SLC25A27: variants seen among roughly 807,000 people sequenced by gnomAD.
The protein encoded by SLC25A27 is solute carrier family 25 member 27, also known as mitochondrial uncoupling protein 4.
SLC25A27 carries 35 observed loss-of-function variants against 49.1 expected under a neutral mutation model. That is an observed-to-expected ratio of 0.71 (90% CI 0.54 to 0.95). SLC25A27 has a LOEUF of 0.95. Ranked by LOEUF, SLC25A27 falls within the 40% of genes least tolerant of loss-of-function variation. The pLI, the probability that SLC25A27 is intolerant of heterozygous loss-of-function variation, is 0.00. For synonymous variants in SLC25A27, 144 were observed against 136.9 expected (o/e 1.05, Z -0.36); for missense variants, 339 against 397.1 (o/e 0.85, Z 1.24).
rs922871732 is a variant in SLC25A27, at chr6:46,662,415, C to G, written c.423C>G (p.Gly141=). The G allele has an allele frequency of 1.5e-5, 24 of 1,613,440 alleles. No individual in the cohort carries two copies. In the Admixed American group the frequency reaches 3.3e-4, roughly 22 times the overall value. ...VIGGMMAGVI[G]QFLANPTDLV... is the part of the protein sequence containing the mutation. ...GAGGGATGATGGCTGGTGTTATTGG[C>G]CAGTTTTTAGCCAATCCAACTGACC... Residue 141 remains glycine, a synonymous_variant, in exon 4 of 9, where the codon GGC becomes GGG. Coordinates refer to ENST00000371347, the MANE Select transcript of SLC25A27 (RefSeq NM_004277.5).
rs1014370109 is a variant in SLC25A27 at position 46,659,147 on chromosome 6, A to G, written c.383+101A>G. The G allele has an allele frequency of 1.1e-4, 84 of 746,862 alleles. No homozygotes were observed. In the East Asian group the frequency reaches 1.4e-3, roughly 13 times the overall value. The allele number at this position is 746,862 out of a possible 1,614,324, so 46.3% of individuals were successfully genotyped here. ...ATTTGTACCCAAATTGCCTTAAGTTATGGACTTAAAATAATAATTACAATA... is the reference window on the plus strand; with the variant it reads ...ATTTGTACCCAAATTGCCTTAAGTTGTGGACTTAAAATAATAATTACAATA... On this transcript the variant is annotated intron_variant, in intron 3 of 8. Transcript: ENST00000371347.
In SLC25A27 at chr6:46,662,498, G is replaced by A. The variant is rs201563800; in HGVS notation, c.506G>A (p.Arg169Gln). Residue 169 changes from arginine (R) to glutamine (Q), a missense_variant and splice_region_variant, in exon 4 of 9, where the codon CGA becomes CAA. By Grantham distance (43) the Arg-to-Gln change is conservative. Coordinates refer to ENST00000371347, the MANE Select transcript of SLC25A27 (RefSeq NM_004277.5). The stretch of plus-strand genomic sequence containing the variant: ...AGGAAACTGGAAGGAAAACCATTGC[G>A]GTAAGTTCTCCAATTAACCAATACC... ...GKRKLEGKPL[R>Q]FRGVHHAFAK... 346 of 1,613,346 alleles carry A rather than the reference G, an allele frequency of 2.1e-4. No individual in the cohort carries two copies. The highest frequency in any genetic ancestry group is 2.8e-4 in the Non-Finnish European group (334 of 1,179,772).
chr6:46,667,565 A>G (rs758121251), intron 5 of SLC25A27, among the ~76,000 whole-genome samples: 1 of 152,188 alleles, frequency 6.6e-6, no homozygotes, highest in Non-Finnish European at 1.5e-5. Context: ...CCTCTAACAC[A>G]GCAAGCTGAC....
intron 8 of SLC25A27, 74 bp from the exon 9 acceptor site, chr6:46,676,309 T>C (rs941711338): frequency 2.2e-6 from 3 of 1,337,488 alleles, no homozygotes; most frequent in Non-Finnish European, 3.1e-6. Context: ...GTCATTCAAA[T>C]ATATGTATGC....
At chr6:46,656,118 TA>T in intron 2 of SLC25A27, 84 bp downstream of exon 2, 1 of 1,131,440 alleles carries the variant, frequency 8.8e-7, no homozygotes, top group Non-Finnish European at 1.3e-6. Context: ...AAAAACAAGT[TA>T]GTTTTTTTAT....
At chr6:46,662,304 GC>G (rs1763187441) in intron 3 of SLC25A27, 71 bp from the exon 4 acceptor site, 1 of 1,356,328 alleles carries the variant, frequency 7.4e-7, no homozygotes, top group Non-Finnish European at 1.0e-6. Flanking sequence ...CCCTGTACCA[GC>G]TCAGTATTGG....
intron 8 of SLC25A27, among the ~76,000 whole-genome samples, chr6:46,673,614 T>C (rs1040664611): frequency 2.0e-5 from 3 of 152,300 alleles, no homozygotes; most frequent in Non-Finnish European, 2.9e-5. Flanking sequence ...CATCATGTCA[T>C]GTGTAGGCCT....
Position 46,656,012 on chromosome 6 carries a change from AC to A in SLC25A27, c.279del (p.Ala94ProfsTer6). 1 of 1,610,402 alleles carries A rather than the reference AC, an allele frequency of 6.2e-7. No homozygotes were observed. Among genetic ancestry groups the A allele is most frequent in the Non-Finnish European group, 8.5e-7 (1 of 1,178,748 alleles). ...GFLKLWQGVT[P>X]AIYRHVVYSG... Reference sequence around the variant, plus strand: ...TTCTAAAGCTTTGGCAAGGAGTGACACCCGCCATTTACAGACACGTAGGTAT... The same window carrying A: ...TTCTAAAGCTTTGGCAAGGAGTGACACCGCCATTTACAGACACGTAGGTAT... On this transcript the variant is annotated frameshift_variant, in exon 2 of 9. Coordinates refer to ENST00000371347, the MANE Select transcript of SLC25A27 (RefSeq NM_004277.5). LOFTEE classifies it high-confidence loss of function.
chr6:46,673,107 T>A (rs1763617245), intron 8 of SLC25A27, among the ~76,000 whole-genome samples: 1 of 152,198 alleles, frequency 6.6e-6, no homozygotes, highest in South Asian at 2.1e-4. Flanking sequence ...AATAACATAG[T>A]CTTTGCACTG....
rs1387700912 is a variant in SLC25A27 at position 46,677,795 on chromosome 6, A to G, written c.*1341A>G. The G allele has an allele frequency of 6.6e-6, 1 of 152,546 alleles. No homozygotes were observed. The highest frequency in any genetic ancestry group is 1.5e-5 in the Non-Finnish European group (1 of 68,028). The allele number at this position is 152,546 out of a possible 1,614,324, so 9.4% of individuals were successfully genotyped here. A position where few individuals can be genotyped will look rare whatever the true frequency, so the allele number is the denominator to read the frequency against. ...CCAAACAGAATTTGTTCTAATGGAC[A>G]TGGATGATGTTGAACAGAAAAAAGT... On this transcript the variant is annotated 3_prime_UTR_variant, in exon 9 of 9. Coordinates refer to ENST00000371347, the MANE Select transcript of SLC25A27 (RefSeq NM_004277.5).
chr6:46,653,925 G>T (rs1762869574), intron 1 of SLC25A27: 6 of 910,252 alleles, frequency 6.6e-6, no homozygotes, highest in Non-Finnish European at 7.9e-6. Context: ...TATTTGAAAA[G>T]ACCCAGTTCT....
intron 4 of SLC25A27, among the ~76,000 whole-genome samples, chr6:46,663,253 A>G (rs960699574): frequency 1.3e-5 from 2 of 152,142 alleles, no homozygotes; most frequent in African/African-American, 4.8e-5. Context: ...AGCTGAGTAC[A>G]AAGGGAGCTG....
rs1283936753 is a variant in SLC25A27 at position 46,655,531 on chromosome 6, G to GTTTTTTTTTTTT, written c.107-309_107-308insTTTTTTTTTTTT. 3.0e-5 allele frequency among the ~76,000 whole-genome samples: 3 copies of GTTTTTTTTTTTT among 98,548 alleles called. 1 individual carries two copies. Among genetic ancestry groups the GTTTTTTTTTTTT allele is most frequent in the Non-Finnish European group, 4.3e-5 (2 of 46,344 alleles). 64.7% of individuals were successfully genotyped at this position (98,548 alleles called of 152,430 possible). A position where few individuals can be genotyped will look rare whatever the true frequency, so the allele number is the denominator to read the frequency against. On this transcript the variant is annotated intron_variant, in intron 1 of 8. Transcript: ENST00000371347. The stretch of plus-strand genomic sequence containing the variant: ...TGTCATTTTAATTTTTATTGTTAAT[G>GTTTTTTTTTTTT]TTTGTTTTTTTTTTTTTTTTTTTTT...
chr6:46,655,906 G>T lies in SLC25A27; in HGVS notation c.170G>T (p.Arg57Leu). Residue 57 changes from arginine to leucine, a missense_variant, in exon 2 of 9, where the codon CGG (arginine) becomes CTG (leucine). By Grantham distance (102) the Arg-to-Leu change is moderately radical. Transcript: ENST00000371347. ...ATGCAAGGAGAAGCAGCTCTTGCTC[G>T]GTTGGGAGACGGTGCAAGAGAATCT... Reference protein sequence around the residue: ...LQMQGEAALARLGDGARESAP... With the variant: ...LQMQGEAALALLGDGARESAP... 2 of 1,613,678 alleles carry T rather than the reference G, an allele frequency of 1.2e-6. No homozygotes were observed. The highest frequency in any genetic ancestry group is 2.2e-5 in the East Asian group (1 of 44,840).
At chr6:46,662,204 C>A (rs541156021) in intron 3 of SLC25A27, among the ~76,000 whole-genome samples, 172 bp from the exon 4 acceptor site, 49 of 152,224 alleles carry the variant, frequency 3.2e-4, no homozygotes, top group African/African-American at 1.2e-3. Flanking sequence ...CTTTAACCTC[C>A]CATCAGTAAA....
intron 2 of SLC25A27, 154 bp from the exon 3 acceptor site, chr6:46,658,808 G>A: frequency 3.1e-6 from 2 of 649,440 alleles, no homozygotes; most frequent in Non-Finnish European, 2.8e-6. Flanking sequence ...GAAGCATCAA[G>A]AAGCCCACGT....
At chr6:46,666,160 T>A (rs1466807574) in intron 5 of SLC25A27, among the ~76,000 whole-genome samples, 1 of 152,200 alleles carries the variant, frequency 6.6e-6, no homozygotes, top group Non-Finnish European at 1.5e-5. Context: ...TAAGGTGTCT[T>A]CTTCACCAAT....
rs1763836829 is a variant in SLC25A27, at chr6:46,677,444, C to T, written c.*990C>T. On this transcript the variant is annotated 3_prime_UTR_variant, in exon 9 of 9. Transcript: ENST00000371347. ...TATCTCCCTTACCTGACACTAGGGGCTCTAGAGAGGCAGAGAGAGCACTCA... is the reference window on the plus strand; with the variant it reads ...TATCTCCCTTACCTGACACTAGGGGTTCTAGAGAGGCAGAGAGAGCACTCA... 6.6e-6 allele frequency: 1 copy of T among 152,164 alleles called. No homozygotes were observed. The highest frequency in any genetic ancestry group is 1.5e-5 in the Non-Finnish European group (1 of 68,042). 9.4% of individuals were successfully genotyped at this position (152,164 alleles called of 1,614,324 possible).
intron 8 of SLC25A27, among the ~76,000 whole-genome samples, chr6:46,675,663 C>A (rs943185048): frequency 6.6e-5 from 10 of 152,168 alleles, no homozygotes; most frequent in Non-Finnish European, 1.5e-4. Flanking sequence ...AGATCCAAGG[C>A]ACTCTTTCTC....
Sources: gnomAD v4.1 joint callset for allele counts (sites outside exome capture counted in the v4.1 genomes callset) on GRCh38, gnomAD v4.1.1 for gene constraint, MANE v1.5 for transcripts, NCBI Gene and HGNC (gene_info 2026-07-23, HGNC 2026-07-21) for gene names.